The following CSRNP3 variants were observed in gnomAD, a reference collection of about 807,000 sequenced individuals.
The protein encoded by CSRNP3 is cysteine/serine-rich nuclear protein 3.
A neutral mutation model predicts 48.0 loss-of-function variants in CSRNP3; 12 were observed. The observed-to-expected ratio is 0.25, with a 90% CI of 0.16 to 0.41. The LOEUF is 0.41. Ranked by LOEUF, CSRNP3 falls within the 10% of genes least tolerant of loss-of-function variation. The probability of loss-of-function intolerance (pLI) is 1.00; values close to 1 mark genes in which losing one functional copy is unlikely to be tolerated. For missense variants in CSRNP3, 580 were observed against 724.4 expected, an observed-to-expected ratio of 0.80 and a Z score of 2.29; for synonymous variants, 263 against 269.7, an observed-to-expected ratio of 0.98 and a Z score of 0.24.
intron 3 of CSRNP3, among the ~76,000 whole-genome samples, chr2:165,583,749 G>T (rs184932601): frequency 4.5e-4 from 69 of 152,206 alleles, no homozygotes; most frequent in African/African-American, 1.5e-3. Context: ...ATAATAATAA[G>T]AAGAAGTATG....
At chr2:165,520,694 CTATCTATCTATCTA>C (rs1684639114) in intron 3 of CSRNP3, among the ~76,000 whole-genome samples, 1 of 73,898 alleles carries the variant, frequency 1.4e-5, no homozygotes, top group South Asian at 5.4e-4. Flanking sequence ...CTCTCTGTAT[CTATCTATCTATCTA>C]TCTGTCTATC....
intron 3 of CSRNP3, among the ~76,000 whole-genome samples, chr2:165,550,803 G>T (rs1302109311): frequency 6.6e-6 from 1 of 152,090 alleles, no homozygotes; most frequent in African/African-American, 2.4e-5. Context: ...TAGTCCTTGG[G>T]AGGCTACCAT....
chr2:165,491,963 A>C (rs1315662744), intron 1 of CSRNP3, among the ~76,000 whole-genome samples: 2 of 151,432 alleles, frequency 1.3e-5, no homozygotes, highest in African/African-American at 2.4e-5. Flanking sequence ...AAAAAAAAAA[A>C]AAAACAAAGC....
intron 3 of CSRNP3, among the ~76,000 whole-genome samples, chr2:165,576,167 A>G (rs976455219): frequency 7.3e-5 from 11 of 151,218 alleles, no homozygotes; most frequent in African/African-American, 2.7e-4. Context: ...GTAACAATAT[A>G]TGTATGTTAT....
At chr2:165,569,225 A>T (rs1685337085) in intron 3 of CSRNP3, among the ~76,000 whole-genome samples, 1 of 152,104 alleles carries the variant, frequency 6.6e-6, no homozygotes, top group East Asian at 1.9e-4. Context: ...GTGAAGGAGA[A>T]GAAAATATAG....
intron 4 of CSRNP3, among the ~76,000 whole-genome samples, chr2:165,650,425 T>C (rs1324983166): frequency 6.6e-6 from 1 of 152,214 alleles, no homozygotes; most frequent in Non-Finnish European, 1.5e-5. Context: ...CATGTCAAGT[T>C]GGAGAAGCTT....
At chr2:165,512,061 G>A (rs1314183553) in intron 2 of CSRNP3, among the ~76,000 whole-genome samples, 1 of 152,208 alleles carries the variant, frequency 6.6e-6, no homozygotes, top group Non-Finnish European at 1.5e-5. Context: ...GTGAGCATTT[G>A]TGGAATGAGT....
chr2:165,601,489 T>A, intron 4 of CSRNP3, among the ~76,000 whole-genome samples: 1 of 152,204 alleles, frequency 6.6e-6, no homozygotes, highest in East Asian at 1.9e-4. Flanking sequence ...TTTTTTTTAA[T>A]TTATGAAACA....
chr2:165,582,304 T>G (rs2105284039), intron 3 of CSRNP3, among the ~76,000 whole-genome samples: 1 of 152,278 alleles, frequency 6.6e-6, no homozygotes, highest in Admixed American at 6.5e-5. Context: ...CTAACTGGAG[T>G]TATTATAAAT....
intron 3 of CSRNP3, among the ~76,000 whole-genome samples, chr2:165,568,400 CCAAGTCTCTT>C (rs1685324529): frequency 6.6e-6 from 1 of 152,054 alleles, no homozygotes; most frequent in South Asian, 2.1e-4. Context: ...CTCCTGTCAC[CCAAGTCTCTT>C]CAAAGTCCCT....
At chr2:165,554,859 A>G (rs1405794754) in intron 3 of CSRNP3, among the ~76,000 whole-genome samples, 3 of 152,060 alleles carry the variant, frequency 2.0e-5, no homozygotes, top group Admixed American at 1.3e-4. Context: ...AATTCTTACA[A>G]TTGCCTGCAA....
intron 3 of CSRNP3, among the ~76,000 whole-genome samples, chr2:165,530,221 A>G (rs1231897122): frequency 1.3e-5 from 2 of 152,134 alleles, no homozygotes; most frequent in African/African-American, 4.8e-5. Flanking sequence ...TCCCTTTACA[A>G]GGAGCTGCCC....
intron 3 of CSRNP3, among the ~76,000 whole-genome samples, chr2:165,562,731 A>G (rs1312323450): frequency 6.6e-6 from 1 of 152,204 alleles, no homozygotes; most frequent in African/African-American, 2.4e-5. Flanking sequence ...CTCTAAAGAT[A>G]TAAATATGAA....
chr2:165,686,510 G>GA lies in CSRNP3; in HGVS notation c.*6759dup, dbSNP rs1687633806. ...TTGCAACTTTATTTAATAAAAAAGA[G>GA]AAGAAAAAATAAAATCTAAATCTCA... is the stretch of plus-strand genomic sequence containing the variant. On this transcript the variant is annotated 3_prime_UTR_variant, in exon 7 of 7. Transcript: ENST00000651982. 8.0e-6 allele frequency: 1 copy of GA among 124,418 alleles called. No homozygotes were observed. Among genetic ancestry groups the GA allele is most frequent in the Non-Finnish European group, 2.0e-5 (1 of 50,686 alleles). 7.7% of individuals were successfully genotyped at this position (124,418 alleles called of 1,614,324 possible). A position where few individuals can be genotyped will look rare whatever the true frequency, so the allele number is the denominator to read the frequency against.
intron 1 of CSRNP3, among the ~76,000 whole-genome samples, chr2:165,487,782 A>G (rs1263452366): frequency 1.3e-5 from 2 of 150,910 alleles, no homozygotes; most frequent in Non-Finnish European, 2.9e-5. Context: ...CCCTAAAAGA[A>G]CTCCTGAAGG....
chr2:165,495,435 C>A (rs1684272334), intron 2 of CSRNP3, among the ~76,000 whole-genome samples: 1 of 152,028 alleles, frequency 6.6e-6, no homozygotes, highest in African/African-American at 2.4e-5. Flanking sequence ...CAAGTTCATG[C>A]TCTTGAGTAA....
At chr2:165,588,993 G>A (rs1685674380) in intron 3 of CSRNP3, among the ~76,000 whole-genome samples, 1 of 152,010 alleles carries the variant, frequency 6.6e-6, no homozygotes, top group South Asian at 2.1e-4. Flanking sequence ...ATTAAATAAA[G>A]CCAATTTGTA....
intron 4 of CSRNP3, among the ~76,000 whole-genome samples, chr2:165,596,462 A>G (rs1006272479): frequency 2.0e-5 from 3 of 152,198 alleles, no homozygotes; most frequent in African/African-American, 7.2e-5. Context: ...ACATATTTTT[A>G]AGAGGTAATA....
At chr2:165,587,318 A>G (rs1189300937) in intron 3 of CSRNP3, among the ~76,000 whole-genome samples, 1 of 152,236 alleles carries the variant, frequency 6.6e-6, no homozygotes. Context: ...ACGTGAATTC[A>G]TGGATTATAC....
Sources: gnomAD v4.1 joint callset for allele counts (sites outside exome capture counted in the v4.1 genomes callset) on GRCh38, gnomAD v4.1.1 for gene constraint, MANE v1.5 for transcripts, NCBI Gene and HGNC (gene_info 2026-07-23, HGNC 2026-07-21) for gene names.